The following ATG4C variants were observed in gnomAD, a reference collection of about 807,000 sequenced individuals.
The protein encoded by ATG4C is autophagy related 4C cysteine peptidase.
In ATG4C, 56 loss-of-function variants were observed where a neutral mutation model predicts 57.6. The ratio of observed to expected loss-of-function variants is 0.97; its 90% CI spans 0.78 to 1.21. The LOEUF is 1.21. Among genes scored for constraint, ATG4C ranks in the 50% most tolerant of loss-of-function variants. ATG4C has a pLI of 0.00. For synonymous variants in ATG4C, 157 were observed against 174.1 expected (o/e 0.90, Z 0.78); for missense variants, 595 against 529.8 (o/e 1.12, Z -1.21).
intron 7 of ATG4C, among the ~76,000 whole-genome samples, chr1:62,830,474 G>C: frequency 6.6e-6 from 1 of 152,090 alleles, no homozygotes; most frequent in East Asian, 1.9e-4. Flanking sequence ...ATTCCTGGTG[G>C]AATGGGTTGC....
chr1:62,860,623 A>G (rs1666822069), intron 10 of ATG4C, among the ~76,000 whole-genome samples: 1 of 152,212 alleles, frequency 6.6e-6, no homozygotes. Flanking sequence ...ACATTTATAC[A>G]TATTACTGAA....
intron 10 of ATG4C, among the ~76,000 whole-genome samples, chr1:62,855,368 TC>T (rs1020565211): frequency 7.2e-5 from 11 of 152,348 alleles, no homozygotes; most frequent in South Asian, 4.1e-4. Flanking sequence ...CTTATTTTTT[TC>T]ATTTGTTCTC....
intron 6 of ATG4C, 67 bp from the exon 7 acceptor site, chr1:62,828,973 G>T: frequency 2.1e-6 from 3 of 1,426,154 alleles, no homozygotes; most frequent in South Asian, 1.3e-5. Context: ...GGATAAATTT[G>T]GGTAAAAATA....
chr1:62,792,696 T>A (rs1161969120), intron 1 of ATG4C, among the ~76,000 whole-genome samples: 1 of 152,220 alleles, frequency 6.6e-6, no homozygotes, highest in Non-Finnish European at 1.5e-5. Flanking sequence ...ATATTTTGAG[T>A]TTAGTACAAT....
intron 10 of ATG4C, among the ~76,000 whole-genome samples, chr1:62,855,045 A>G (rs1666641380): frequency 6.7e-6 from 1 of 150,218 alleles, no homozygotes; most frequent in South Asian, 2.1e-4. Flanking sequence ...ATTTTTGTGT[A>G]TGGGGGATGG....
chr1:62,793,789 C>T (rs1250059351), intron 1 of ATG4C, among the ~76,000 whole-genome samples: 2 of 151,792 alleles, frequency 1.3e-5, no homozygotes, highest in African/African-American at 2.4e-5. Context: ...GACTCTTTAC[C>T]TCTTATGTAA....
rs537164094 is a variant in ATG4C, at chr1:62,806,430, T to A, written c.160+1175T>A. Among the ~76,000 whole-genome samples, 101 of 152,140 alleles carry A rather than the reference T, an allele frequency of 6.6e-4. 1 individual carries two copies. The highest frequency in any genetic ancestry group is 2.2e-3 in the African/African-American group (93 of 41,526). On this transcript the variant is annotated intron_variant, in intron 3 of 10. Coordinates refer to ENST00000317868, the MANE Select transcript of ATG4C (RefSeq NM_032852.4). Reference sequence around the variant, plus strand: ...TTGAGCGTATGGATTTATATATATATGTCTGATACATATAAGCATTTTAAG... The same window carrying A: ...TTGAGCGTATGGATTTATATATATAAGTCTGATACATATAAGCATTTTAAG...
chr1:62,797,759 AT>A (rs1248402594), intron 1 of ATG4C, among the ~76,000 whole-genome samples: 2 of 151,836 alleles, frequency 1.3e-5, no homozygotes, highest in African/African-American at 2.4e-5. Flanking sequence ...CAAAGTTTTC[AT>A]TTTTATTTAA....
chr1:62,796,207 GTTTT>G lies in ATG4C; in HGVS notation c.-68-7495_-68-7492del, dbSNP rs60552573. 1.1e-3 allele frequency among the ~76,000 whole-genome samples: 100 copies of G among 91,160 alleles called. 1 individual carries two copies. Among genetic ancestry groups the G allele is most frequent in the African/African-American group, 3.8e-3 (88 of 23,272 alleles). The allele number at this position is 91,160 out of a possible 152,430, so 59.8% of individuals were successfully genotyped here. On this transcript the variant is annotated intron_variant, in intron 1 of 10. Coordinates refer to ENST00000317868, the MANE Select transcript of ATG4C (RefSeq NM_032852.4). ...GCAAGCGGTTTCCTCATTTGTGTGG[GTTTT>G]TTTTTTTTTTTTTTTTGCTCATTTG...
In ATG4C at chr1:62,864,483, T is replaced by C. The variant is rs1160974725; in HGVS notation, c.*324T>C. ...GCCCATTGTTCTCATGGAGGTTTTG[T>C]GATATTAACCCTCCCCCAAAGACTG... On this transcript the variant is annotated 3_prime_UTR_variant, in exon 11 of 11. Coordinates refer to ENST00000317868, the MANE Select transcript of ATG4C (RefSeq NM_032852.4). 4.8e-6 allele frequency: 1 copy of C among 208,944 alleles called. No individual in the cohort carries two copies. Among genetic ancestry groups the C allele is most frequent in the African/African-American group, 2.4e-5 (1 of 41,890 alleles). 12.9% of individuals were successfully genotyped at this position (208,944 alleles called of 1,614,324 possible). A position where few individuals can be genotyped will look rare whatever the true frequency, so the allele number is the denominator to read the frequency against.
chr1:62,793,835 TATAA>T (rs1356891359), intron 1 of ATG4C, among the ~76,000 whole-genome samples: 1 of 111,382 alleles, frequency 9.0e-6, no homozygotes, highest in Non-Finnish European at 2.1e-5. Context: ...TAAGTCTCTA[TATAA>T]GTCTCTATAT....
intron 10 of ATG4C, among the ~76,000 whole-genome samples, chr1:62,850,976 G>T: frequency 6.7e-6 from 1 of 148,380 alleles, no homozygotes; most frequent in East Asian, 2.0e-4. Flanking sequence ...CTCAACAAGG[G>T]AAGGATTTTG....
chr1:62,834,216 C>T lies in ATG4C; in HGVS notation c.1012+100C>T, dbSNP rs75136900. 239 of 1,061,048 alleles carry T rather than the reference C, an allele frequency of 2.3e-4. No individual in the cohort carries two copies. In the African/African-American group the frequency reaches 2.8e-3, roughly 12 times the overall value. 65.7% of individuals were successfully genotyped at this position (1,061,048 alleles called of 1,614,324 possible). A position where few individuals can be genotyped will look rare whatever the true frequency, so the allele number is the denominator to read the frequency against. The stretch of plus-strand genomic sequence containing the variant: ...AAACAGGATGATTAACAGAGCAAAA[C>T]GAGTACCTTATACATTCATCAGTCC... On this transcript the variant is annotated intron_variant, in intron 8 of 10. Transcript: ENST00000317868.
At chr1:62,838,261 T>G (rs1379840532) in intron 9 of ATG4C, among the ~76,000 whole-genome samples, 3 of 152,214 alleles carry the variant, frequency 2.0e-5, no homozygotes, top group Non-Finnish European at 4.4e-5. Context: ...ATCTAGTGAA[T>G]ACTCCTTAAA....
chr1:62,817,786 A>C (rs944602549), intron 4 of ATG4C, among the ~76,000 whole-genome samples: 1 of 152,154 alleles, frequency 6.6e-6, no homozygotes, highest in African/African-American at 2.4e-5. Flanking sequence ...ATTTGTAAGA[A>C]TATTTTAGTT....
At chr1:62,850,401 A>G (rs902611597) in intron 10 of ATG4C, among the ~76,000 whole-genome samples, 2 of 152,172 alleles carry the variant, frequency 1.3e-5, no homozygotes, top group African/African-American at 4.8e-5. Context: ...GATTTTGTTT[A>G]GAATGTAACT....
intron 9 of ATG4C, among the ~76,000 whole-genome samples, chr1:62,837,633 G>A (rs1666036630): frequency 6.6e-6 from 1 of 152,164 alleles, no homozygotes; most frequent in Non-Finnish European, 1.5e-5. Flanking sequence ...AGTGGTAACT[G>A]TTTTAATCTA....
At chr1:62,816,855 C>A (rs748861053) in intron 4 of ATG4C, 47 bp downstream of exon 4, 4 of 1,378,108 alleles carry the variant, frequency 2.9e-6, no homozygotes, top group African/African-American at 3.0e-5. Context: ...GTTTTTTTGT[C>A]GTCGATATTT....
At chr1:62,858,971 A>G (rs1043114952) in intron 10 of ATG4C, among the ~76,000 whole-genome samples, 1 of 152,202 alleles carries the variant, frequency 6.6e-6, no homozygotes, top group Non-Finnish European at 1.5e-5. Context: ...TGATGGGGAT[A>G]CATTCTGATA....
Sources: allele counts gnomAD v4.1 joint callset (sites outside exome capture counted in the v4.1 genomes callset), GRCh38; gene constraint gnomAD v4.1.1; transcripts MANE v1.5; gene names NCBI Gene and HGNC (gene_info 2026-07-23, HGNC 2026-07-21).